Variants in DNM3 observed in about 807,000 individuals in gnomAD.
DNM3 encodes the protein dynamin-3.
Under a neutral mutation model 101.6 loss-of-function variants are expected in DNM3, and 47 were observed. That is an observed-to-expected ratio of 0.46 (90% CI 0.37 to 0.59). The LOEUF (loss-of-function observed/expected upper bound fraction) is 0.59. Ranked by LOEUF, DNM3 falls within the 20% of genes least tolerant of loss-of-function variation. DNM3 has a pLI of 0.00. For missense variants in DNM3, 849 were observed against 1,085.7 expected, an observed-to-expected ratio of 0.78 and a Z score of 3.06; for synonymous variants, 385 against 387.9, an observed-to-expected ratio of 0.99 and a Z score of 0.09.
Position 172,379,201 on chromosome 1 carries a change from C to A in DNM3, c.2058+19C>A. The A allele has an allele frequency of 6.3e-7, 1 of 1,580,782 alleles. No homozygotes were observed. The highest frequency in any genetic ancestry group is 1.8e-5 in the Admixed American group (1 of 56,206). Reference sequence around the variant, plus strand: ...CAATAACGTAAGTGATTATAAACTACCTCCATTTAACTTCTAACCCATCCG... The same window carrying A: ...CAATAACGTAAGTGATTATAAACTAACTCCATTTAACTTCTAACCCATCCG... On this transcript the variant is annotated intron_variant, in intron 18 of 20. Coordinates refer to ENST00000627582, the MANE Select transcript of DNM3 (RefSeq NM_015569.5).
At chr1:172,048,813 T>G (rs1224190427) in intron 10 of DNM3, 63 bp downstream of exon 10, 3 of 1,554,396 alleles carry the variant, frequency 1.9e-6, no homozygotes, top group East Asian at 4.5e-5. Flanking sequence ...CCCTATCTCA[T>G]TGCATGATTC....
At chr1:172,226,267 CT>C (rs2061116154) in intron 14 of DNM3, among the ~76,000 whole-genome samples, 1 of 152,164 alleles carries the variant, frequency 6.6e-6, no homozygotes, top group East Asian at 1.9e-4. Context: ...CTCCAACCCC[CT>C]AGCTGTTATG....
intron 2 of DNM3, among the ~76,000 whole-genome samples, chr1:171,957,358 C>T (rs1264357507): frequency 2.0e-5 from 3 of 151,892 alleles, no homozygotes; most frequent in East Asian, 1.9e-4. Flanking sequence ...CCACCACACT[C>T]GGCTAATTTT....
intron 2 of DNM3, among the ~76,000 whole-genome samples, chr1:171,967,212 T>A (rs2125529539): frequency 6.6e-6 from 1 of 152,252 alleles, no homozygotes; most frequent in South Asian, 2.1e-4. Context: ...ATGGTGGCAG[T>A]CTCATACTTA....
In DNM3 at chr1:172,285,580, A is replaced by G. The variant is rs143925466; in HGVS notation, c.1770-23148A>G. ...TTTTTGAAGCCTCAGACAGAGCAGT[A>G]GTATGAAGACCTATTTTTCCATGTA... On this transcript the variant is annotated intron_variant, in intron 15 of 20. Transcript: ENST00000627582. Among the ~76,000 whole-genome samples the G allele has an allele frequency of 5.3e-5, 8 of 152,346 alleles. No individual in the cohort carries two copies. In the East Asian group the frequency reaches 1.5e-3, roughly 29 times the overall value.
At chr1:172,056,037 A>G (rs1378568537) in intron 10 of DNM3, among the ~76,000 whole-genome samples, 2 of 152,198 alleles carry the variant, frequency 1.3e-5, no homozygotes, top group African/African-American at 2.4e-5. Flanking sequence ...CCGGAAGTGC[A>G]AGGGGTCAGG....
At chr1:171,991,183 A>G (rs886964182) in intron 4 of DNM3, among the ~76,000 whole-genome samples, 1 of 152,132 alleles carries the variant, frequency 6.6e-6, no homozygotes, top group African/African-American at 2.4e-5. Context: ...CAAACAAGCA[A>G]TTAATTCTTT....
In DNM3 at chr1:171,986,792, T is replaced by C. The variant is rs555484472; in HGVS notation, c.236-864T>C. Reference sequence around the variant, plus strand: ...CTAAGTTTAGTTGTACAATTCTTCATTGAGATATTAGATAAACTAAAATCT... The same window carrying C: ...CTAAGTTTAGTTGTACAATTCTTCACTGAGATATTAGATAAACTAAAATCT... On this transcript the variant is annotated intron_variant, in intron 2 of 20. Transcript: ENST00000627582. 3.1e-3 allele frequency among the ~76,000 whole-genome samples: 466 copies of C among 152,276 alleles called. 2 individuals are homozygous for C. Among genetic ancestry groups the C allele is most frequent in the African/African-American group, 0.011 (447 of 41,556 alleles).
At chr1:172,031,586 A>G (rs1435658190) in intron 4 of DNM3, among the ~76,000 whole-genome samples, 1 of 152,196 alleles carries the variant, frequency 6.6e-6, no homozygotes, top group African/African-American at 2.4e-5. Context: ...AAAGCAATAT[A>G]AATTACTAGG....
chr1:171,876,052 G>A (rs12142845), intron 1 of DNM3, among the ~76,000 whole-genome samples: 1 of 151,640 alleles, frequency 6.6e-6, no homozygotes, highest in South Asian at 2.1e-4. Context: ...CTTGTGATCC[G>A]CCCCCCTCGG....
chr1:172,250,596 A>G (rs1160250010), intron 14 of DNM3, among the ~76,000 whole-genome samples: 1 of 152,160 alleles, frequency 6.6e-6, no homozygotes, highest in Non-Finnish European at 1.5e-5. Flanking sequence ...GTGAGATGCC[A>G]GGGACCTGGA....
chr1:171,898,237 A>T (rs2037986183), intron 1 of DNM3, among the ~76,000 whole-genome samples: 1 of 152,140 alleles, frequency 6.6e-6, no homozygotes, highest in Non-Finnish European at 1.5e-5. Flanking sequence ...TTTTCTTAAT[A>T]AGAAATTTGT....
intron 1 of DNM3, among the ~76,000 whole-genome samples, chr1:171,857,314 G>A (rs577183912): frequency 2.0e-5 from 3 of 152,170 alleles, no homozygotes. Context: ...TATGTTTACT[G>A]GTGGAAATGG....
intron 4 of DNM3, among the ~76,000 whole-genome samples, chr1:172,030,613 A>G (rs1371113767): frequency 6.6e-6 from 1 of 152,226 alleles, no homozygotes; most frequent in Non-Finnish European, 1.5e-5. Context: ...GTGAACAGGC[A>G]ACCTACAGAA....
chr1:172,248,739 G>C (rs2062053608), intron 14 of DNM3, among the ~76,000 whole-genome samples: 1 of 152,128 alleles, frequency 6.6e-6, no homozygotes, highest in Non-Finnish European at 1.5e-5. Context: ...TGTCAGTTAA[G>C]CATTTCATAT....
chr1:172,101,545 G>T (rs1249749242), intron 13 of DNM3, among the ~76,000 whole-genome samples: 1 of 152,120 alleles, frequency 6.6e-6, no homozygotes, highest in South Asian at 2.1e-4. Context: ...TACTAGTTAG[G>T]TACTTAGGTA....
At chr1:172,290,651 C>A (rs1480965288) in intron 15 of DNM3, among the ~76,000 whole-genome samples, 1 of 151,992 alleles carries the variant, frequency 6.6e-6, no homozygotes, top group African/African-American at 2.4e-5. Context: ...GCAAGAAAAC[C>A]ATCAAGAAGA....
At chr1:171,869,991 G>A (rs2035119758) in intron 1 of DNM3, among the ~76,000 whole-genome samples, 1 of 152,080 alleles carries the variant, frequency 6.6e-6, no homozygotes, top group South Asian at 2.1e-4. Context: ...CTATAGTTAG[G>A]CTCATTAGAC....
intron 2 of DNM3, among the ~76,000 whole-genome samples, chr1:171,958,516 T>A (rs994947312): frequency 1.3e-5 from 2 of 152,174 alleles, no homozygotes; most frequent in African/African-American, 4.8e-5. Flanking sequence ...ATATAGTGTG[T>A]CTGTGTGAGT....
Sources: allele counts gnomAD v4.1 joint callset (sites outside exome capture counted in the v4.1 genomes callset), GRCh38; gene constraint gnomAD v4.1.1; transcripts MANE v1.5; gene names NCBI Gene and HGNC (gene_info 2026-07-23, HGNC 2026-07-21).